The following CEP68 variants were observed in gnomAD, a reference collection of about 807,000 sequenced individuals.
CEP68 encodes the protein centrosomal protein 68, also known as centrosomal protein of 68 kDa.
In CEP68, 26 loss-of-function variants were observed where a neutral mutation model predicts 55.3. That is an observed-to-expected ratio of 0.47 (90% CI 0.34 to 0.65). The LOEUF is 0.65. CEP68 is among the 30% of genes least tolerant of loss of function. The pLI is 0.01. For synonymous variants in CEP68, 402 were observed against 383.2 expected, an observed-to-expected ratio of 1.05 and a Z score of -0.57; for missense variants, 957 against 946.7, an observed-to-expected ratio of 1.01 and a Z score of -0.14.
At chr2:65,078,948 A>G (rs1321736147) in intron 5 of CEP68, among the ~76,000 whole-genome samples, 1 of 152,198 alleles carries the variant, frequency 6.6e-6, no homozygotes, top group African/African-American at 2.4e-5. Context: ...TACAGTTTTC[A>G]TTGTCTTTAC....
At position 65,071,494 on chromosome 2, in the gene CEP68, AGACTCT is replaced by A; in HGVS notation, c.401_406del (p.Thr134_Leu135del). On this transcript the variant is annotated inframe_deletion, in exon 3 of 7. Transcript: ENST00000377990. ...CTTTCTTCCTCCGAGGAGTTCCCTC[AGACTCT>A]GAGCCTTCCCAGAACAACAACTATT... is the stretch of plus-strand genomic sequence containing the variant. 1 of 1,613,898 alleles carries A rather than the reference AGACTCT, an allele frequency of 6.2e-7. No homozygotes were observed. Among genetic ancestry groups the A allele is most frequent in the Non-Finnish European group, 8.5e-7 (1 of 1,179,884 alleles).
At chr2:65,058,190 T>C (rs910977705) in intron 1 of CEP68, among the ~76,000 whole-genome samples, 1 of 152,158 alleles carries the variant, frequency 6.6e-6, no homozygotes, top group African/African-American at 2.4e-5. Context: ...TCAGGATCTC[T>C]CTGTTTTTTG....
intron 1 of CEP68, among the ~76,000 whole-genome samples, chr2:65,066,861 G>C (rs757715266): frequency 5.3e-5 from 8 of 150,358 alleles, no homozygotes; most frequent in Non-Finnish European, 1.2e-4. Context: ...TTGAACCAGG[G>C]AGGCGGAGGT....
chr2:65,073,113 T>A, intron 3 of CEP68, 133 bp downstream of exon 3: 1 of 957,720 alleles, frequency 1.0e-6, no homozygotes, highest in Non-Finnish European at 1.6e-6. Flanking sequence ...CTGTACCTTA[T>A]CTTATTCAGT....
intron 1 of CEP68, among the ~76,000 whole-genome samples, chr2:65,056,944 C>T (rs1361524222): frequency 6.6e-6 from 1 of 152,216 alleles, no homozygotes; most frequent in Admixed American, 6.5e-5. Flanking sequence ...GGCTGTTTAC[C>T]CAGCTCCCCA....
chr2:65,085,946 C>T lies in CEP68; in HGVS notation c.*2312C>T, dbSNP rs1669015563. 2 of 152,174 alleles carry T rather than the reference C, an allele frequency of 1.3e-5. No individual in the cohort carries two copies. The highest frequency in any genetic ancestry group is 6.5e-5 in the Admixed American group (1 of 15,276). The allele number at this position is 152,174 out of a possible 1,614,324, so 9.4% of individuals were successfully genotyped here. On this transcript the variant is annotated 3_prime_UTR_variant, in exon 7 of 7. Coordinates refer to ENST00000377990, the MANE Select transcript of CEP68 (RefSeq NM_015147.3). ...GCACTGTGATGCCACACTGGAATAA[C>T]TTAGTAGTCCCTTAAAATTAATGGA...
rs1285004982 is a variant in CEP68, at chr2:65,084,476, AG to A, written c.*846del. ...TGAAGCTGTCAATAGTGAAGGAAAA[AG>A]GGGAATTCTTCGTTGCTTTGGCATT... On this transcript the variant is annotated 3_prime_UTR_variant, in exon 7 of 7. Transcript: ENST00000377990. 6.6e-6 allele frequency: 1 copy of A among 151,932 alleles called. No individual in the cohort carries two copies. The highest frequency in any genetic ancestry group is 1.9e-4 in the East Asian group (1 of 5,184). The allele number at this position is 151,932 out of a possible 1,614,324, so 9.4% of individuals were successfully genotyped here. A position where few individuals can be genotyped will look rare whatever the true frequency, so the allele number is the denominator to read the frequency against.
intron 3 of CEP68, chr2:65,073,341 C>G (rs907623231): frequency 5.9e-6 from 2 of 341,154 alleles, no homozygotes; most frequent in African/African-American, 2.1e-5. Context: ...TGCACAGATG[C>G]CTTTAGGAAA....
chr2:65,061,059 C>T (rs556112472), intron 1 of CEP68, among the ~76,000 whole-genome samples: 6 of 152,238 alleles, frequency 3.9e-5, no homozygotes, highest in African/African-American at 1.4e-4. Flanking sequence ...TGCCTGTAAT[C>T]CCAACTACTC....
At position 65,069,606 on chromosome 2, in the gene CEP68, T is replaced by C; in HGVS notation, c.162T>C (p.Pro54=). 2 of 1,614,052 alleles carry C rather than the reference T, an allele frequency of 1.2e-6. No individual in the cohort carries two copies. Among genetic ancestry groups the C allele is most frequent in the Non-Finnish European group, 1.7e-6 (2 of 1,179,992 alleles). Residue 54 remains proline, a synonymous_variant, in exon 2 of 7, where the codon CCT becomes CCC. Coordinates refer to ENST00000377990, the MANE Select transcript of CEP68 (RefSeq NM_015147.3). ...AAGCTGAGGGAGGGCTCATCTCCCCTGTATGGGGGGCAGAAGGGATACCTG... is the reference window on the plus strand; with the variant it reads ...AAGCTGAGGGAGGGCTCATCTCCCCCGTATGGGGGGCAGAAGGGATACCTG... The part of the protein sequence containing the change: ...RLEAEGGLIS[P]VWGAEGIPAP...
At chr2:65,079,499 A>C (rs1211959253) in intron 5 of CEP68, among the ~76,000 whole-genome samples, 1 of 152,194 alleles carries the variant, frequency 6.6e-6, no homozygotes, top group Non-Finnish European at 1.5e-5. Context: ...TCTAGTGTGA[A>C]TTATATGAGC....
At chr2:65,073,412 C>CCA (rs1676599921) in intron 3 of CEP68, 1 of 285,706 alleles carries the variant, frequency 3.5e-6, no homozygotes, top group South Asian at 3.4e-5. Context: ...GCTTCATTTG[C>CCA]CACAGTGGTT....
At position 65,069,490 on chromosome 2, in the gene CEP68, A is replaced by C. The variant is rs200536462; in HGVS notation, c.46A>C (p.Thr16Pro). The change falls in exon 2 of 7, where the codon ACA becomes CCA. Residue 16 changes from threonine to proline, a missense_variant. Physicochemically the swap from Thr to Pro is conservative, Grantham distance 38 (BLOSUM62 -1). Transcript: ENST00000377990. ...EKAEAEASED[T>P]KAQSYGRGSC... ...GGCAGAAGCGGAAGCATCTGAAGAC[A>C]CAAAGGCCCAGTCCTATGGGAGAGG... is the stretch of plus-strand genomic sequence containing the variant. 6.5e-7 allele frequency: 1 copy of C among 1,536,990 alleles called. No homozygotes were observed. Among genetic ancestry groups the C allele is most frequent in the Non-Finnish European group, 8.8e-7 (1 of 1,141,738 alleles).
rs1668978942 is a variant in CEP68, at chr2:65,084,747, G to A, written c.*1113G>A. ...GCTTCAGAATTTCTGAGACTTTATAGTCACTGGAAAATAGCCATTAAATTC... is the reference window on the plus strand; with the variant it reads ...GCTTCAGAATTTCTGAGACTTTATAATCACTGGAAAATAGCCATTAAATTC... On this transcript the variant is annotated 3_prime_UTR_variant, in exon 7 of 7. Transcript: ENST00000377990. 1 of 152,200 alleles carries A rather than the reference G, an allele frequency of 6.6e-6. No homozygotes were observed. Among genetic ancestry groups the A allele is most frequent in the African/African-American group, 2.4e-5 (1 of 41,440 alleles). The allele number at this position is 152,200 out of a possible 1,614,324, so 9.4% of individuals were successfully genotyped here. A position where few individuals can be genotyped will look rare whatever the true frequency, so the allele number is the denominator to read the frequency against.
At chr2:65,069,002 G>A (rs946609377) in intron 1 of CEP68, among the ~76,000 whole-genome samples, 1 of 152,240 alleles carries the variant, frequency 6.6e-6, no homozygotes, top group Non-Finnish European at 1.5e-5. Context: ...TGAGGGGACC[G>A]TTACGACAAC....
chr2:65,080,879 T>C (rs1197492230), intron 5 of CEP68, among the ~76,000 whole-genome samples: 1 of 151,912 alleles, frequency 6.6e-6, no homozygotes, highest in Non-Finnish European at 1.5e-5. Flanking sequence ...AATGTTTCTG[T>C]GACATCGCAC....
At chr2:65,073,423 T>G (rs1050773982) in intron 3 of CEP68, 1 of 280,556 alleles carries the variant, frequency 3.6e-6, no homozygotes, top group South Asian at 3.5e-5. Context: ...CACAGTGGTT[T>G]AAGTGCAAAG....
chr2:65,069,637 A>C lies in CEP68; in HGVS notation c.193A>C (p.Thr65Pro). The part of the protein sequence containing the change: ...VWGAEGIPAP[T>P]CWIGTDPGGP... ...GGGGGCAGAAGGGATACCTGCCCCT[A>C]CTTGCTGGATTGGGACTGACCCTGG... The change falls in exon 2 of 7, where the codon ACT (threonine) becomes CCT (proline). Residue 65 changes from threonine (T) to proline (P), a missense_variant. Transcript: ENST00000377990. The C allele has an allele frequency of 6.2e-7, 1 of 1,614,054 alleles. No homozygotes were observed. The highest frequency in any genetic ancestry group is 8.5e-7 in the Non-Finnish European group (1 of 1,180,030).
intron 5 of CEP68, among the ~76,000 whole-genome samples, chr2:65,081,295 CCTCTGCCACA>C (rs1296152086): frequency 6.6e-5 from 10 of 152,056 alleles, no homozygotes; most frequent in Non-Finnish European, 7.4e-5. Flanking sequence ...TGACTGCAAT[CCTCTGCCACA>C]CTCTGCCAAC....
Sources: allele counts gnomAD v4.1 joint callset (sites outside exome capture counted in the v4.1 genomes callset), GRCh38; gene constraint gnomAD v4.1.1; transcripts MANE v1.5; gene names NCBI Gene and HGNC (gene_info 2026-07-23, HGNC 2026-07-21).